SPMAP2: variants seen among roughly 807,000 people sequenced by gnomAD.
SPMAP2 encodes Theg homolog.
At chr19:364,136 A>G in the SPMAP2 span, among the ~76,000 whole-genome samples, 179 of 150,690 alleles carry the variant, frequency 1.2e-3, no homozygotes, top group Middle Eastern at 0.014. Flanking sequence ...GATCGAGACC[A>G]TCCTGGCTCA....
the SPMAP2 span, among the ~76,000 whole-genome samples, chr19:364,124 G>A: frequency 1.7e-4 from 26 of 150,740 alleles, no homozygotes; most frequent in Non-Finnish European, 3.1e-4. Flanking sequence ...ACAAGGTCAG[G>A]AGATCGAGAC....
the SPMAP2 span, among the ~76,000 whole-genome samples, chr19:372,297 A>C: frequency 6.6e-6 from 1 of 152,272 alleles, no homozygotes; most frequent in Admixed American, 6.5e-5. Flanking sequence ...TAGAATTTCC[A>C]CCTTTTTTGA....
At chr19:369,209 A>G in the SPMAP2 span, among the ~76,000 whole-genome samples, 8 of 152,192 alleles carry the variant, frequency 5.3e-5, no homozygotes, top group Non-Finnish European at 1.2e-4. Context: ...ACACACAGTG[A>G]GGGGAATAGA....
the SPMAP2 span, among the ~76,000 whole-genome samples, chr19:369,014 C>T: frequency 2.4e-4 from 36 of 152,312 alleles, no homozygotes; most frequent in African/African-American, 8.2e-4. Context: ...GTTGGTATCA[C>T]GGAACCACTG....
chr19:374,211 G>A, the SPMAP2 span: 140 of 1,569,542 alleles, frequency 8.9e-5, no homozygotes, highest in Middle Eastern at 3.9e-4. Context: ...GAGGGGAGCC[G>A]AGCAGTGGGG....
chr19:372,839 G>A, the SPMAP2 span: 1 of 768,988 alleles, frequency 1.3e-6, no homozygotes, highest in Non-Finnish European at 2.2e-6. Context: ...AGAGACAACT[G>A]GGGGCCAGAC....
At chr19:371,272 G>C in the SPMAP2 span, 1 of 1,520,772 alleles carries the variant, frequency 6.6e-7, no homozygotes, top group Non-Finnish European at 8.8e-7. Flanking sequence ...CAGGCGACTC[G>C]ACGCTCTGTA....
chr19:373,740 G>A, the SPMAP2 span, among the ~76,000 whole-genome samples: 1 of 152,094 alleles, frequency 6.6e-6, no homozygotes, highest in Non-Finnish European at 1.5e-5. Context: ...GTAGCTGGGG[G>A]AGAAGCATAG....
chr19:369,070 T>C, the SPMAP2 span, among the ~76,000 whole-genome samples: 4 of 152,208 alleles, frequency 2.6e-5, no homozygotes, highest in African/African-American at 4.8e-5. Flanking sequence ...TGTTTTAAAA[T>C]GTCCTTGTCT....
the SPMAP2 span, among the ~76,000 whole-genome samples, chr19:364,254 G>A: frequency 1.1e-4 from 17 of 148,908 alleles, no homozygotes; most frequent in Non-Finnish European, 2.2e-4. Context: ...GGAGAACGGC[G>A]TGAACCCGGG....
At chr19:373,916 C>T in the SPMAP2 span, 94,146 of 1,608,402 alleles carry the variant, frequency 0.059, 3,190 homozygotes, top group Non-Finnish European at 0.07. Context: ...CATAGGCACA[C>T]GGCGGAGACA....
the SPMAP2 span, among the ~76,000 whole-genome samples, chr19:365,169 G>A: frequency 2.6e-5 from 4 of 152,176 alleles, no homozygotes; most frequent in Admixed American, 6.5e-5. Flanking sequence ...CACACACGTC[G>A]TGAATATAAA....
the SPMAP2 span, chr19:374,343 C>T: frequency 6.2e-7 from 1 of 1,614,148 alleles, no homozygotes; most frequent in East Asian, 2.2e-5. Flanking sequence ...CTGCCAGCTC[C>T]ATGAGCCTCC....
the SPMAP2 span, among the ~76,000 whole-genome samples, chr19:363,288 G>T: frequency 6.6e-6 from 1 of 151,996 alleles, no homozygotes; most frequent in South Asian, 2.1e-4. Flanking sequence ...CGCCTCCCAG[G>T]TTCAAGCAAT....
At chr19:364,208 C>A in the SPMAP2 span, among the ~76,000 whole-genome samples, 757 of 147,966 alleles carry the variant, frequency 5.1e-3, 14 homozygotes, top group African/African-American at 0.018. Context: ...GTGGTGGCGG[C>A]TGCCTGTAGT....
the SPMAP2 span, chr19:373,898 T>A: frequency 1.3e-6 from 2 of 1,587,864 alleles, no homozygotes; most frequent in South Asian, 2.2e-5. Flanking sequence ...CTGACACGTG[T>A]CCCCCAGCAT....
chr19:375,432 G>C, the SPMAP2 span, among the ~76,000 whole-genome samples: 1 of 152,188 alleles, frequency 6.6e-6, no homozygotes, highest in African/African-American at 2.4e-5. Flanking sequence ...CACCAGATAG[G>C]GGAGCGTCTG....
the SPMAP2 span, among the ~76,000 whole-genome samples, chr19:370,928 G>A: frequency 6.6e-6 from 1 of 152,210 alleles, no homozygotes; most frequent in African/African-American, 2.4e-5. Flanking sequence ...TGGGGCGAGA[G>A]ATGAGCGCTT....
At chr19:371,189 G>T in the SPMAP2 span, 1 of 1,404,728 alleles carries the variant, frequency 7.1e-7, no homozygotes, top group Non-Finnish European at 9.4e-7. Context: ...AGTCGCGGGG[G>T]GCACGGGGCA....
Sources: gnomAD v4.1 joint callset for allele counts (sites outside exome capture counted in the v4.1 genomes callset) on GRCh38, gnomAD v4.1.1 for gene constraint, MANE v1.5 for transcripts, NCBI Gene and HGNC (gene_info 2026-07-23, HGNC 2026-07-21) for gene names.